The following CCDC192 variants were observed in gnomAD, a reference collection of about 807,000 sequenced individuals.
The protein encoded by CCDC192 is coiled-coil domain containing 192, also known as coiled-coil domain-containing protein 192.
At chr5:127,793,133 T>C (rs1314871738) in intron 3 of CCDC192, among the ~76,000 whole-genome samples, 1 of 152,016 alleles carries the variant, frequency 6.6e-6, no homozygotes, top group African/African-American at 2.4e-5. Flanking sequence ...ACTTTCTGAA[T>C]CTAAAAAAAA....
At chr5:127,779,282 A>G (rs970086633) in intron 3 of CCDC192, among the ~76,000 whole-genome samples, 1 of 152,162 alleles carries the variant, frequency 6.6e-6, no homozygotes, top group Admixed American at 6.6e-5. Flanking sequence ...ACAAATAAAC[A>G]TATATGAGGA....
intron 6 of CCDC192, among the ~76,000 whole-genome samples, chr5:127,877,110 C>T (rs746223250): frequency 6.6e-6 from 1 of 152,164 alleles, no homozygotes; most frequent in Non-Finnish European, 1.5e-5. Flanking sequence ...GAGAAGCTTT[C>T]AACTTTTCAA....
At chr5:127,930,187 G>C (rs1335785950) in intron 6 of CCDC192, among the ~76,000 whole-genome samples, 1 of 151,926 alleles carries the variant, frequency 6.6e-6, no homozygotes, top group Non-Finnish European at 1.5e-5. Flanking sequence ...CTGGGTGATA[G>C]AGTGAGACTT....
intron 5 of CCDC192, among the ~76,000 whole-genome samples, chr5:127,843,860 T>C (rs1344846895): frequency 6.6e-6 from 1 of 152,240 alleles, no homozygotes; most frequent in East Asian, 1.9e-4. Flanking sequence ...TCAGCTTTGA[T>C]AACATTCTAT....
rs755294375 is a variant in CCDC192, at chr5:127,740,510, T to C, written c.115-13758T>C. Among the ~76,000 whole-genome samples, 81 of 152,232 alleles carry C rather than the reference T, an allele frequency of 5.3e-4. 2 individuals are homozygous for C. Among genetic ancestry groups the C allele is most frequent in the Non-Finnish European group, 5.9e-5 (4 of 68,032 alleles). ...AAGGGTTTCTCATGAAAAAGGTTTC[T>C]ATGAAACTTCAATTTCAATGAAGGA... On this transcript the variant is annotated intron_variant, in intron 2 of 6. Transcript: ENST00000514853.
At chr5:127,907,072 G>T (rs1401854761) in intron 6 of CCDC192, among the ~76,000 whole-genome samples, 6 of 151,804 alleles carry the variant, frequency 4.0e-5, no homozygotes, top group Non-Finnish European at 8.8e-5. Flanking sequence ...ATCCTAACAG[G>T]TGTGAAGTGT....
chr5:127,926,112 ATTTGAACACAG>A (rs1753856953), intron 6 of CCDC192, among the ~76,000 whole-genome samples: 1 of 152,206 alleles, frequency 6.6e-6, no homozygotes, highest in Non-Finnish European at 1.5e-5. Flanking sequence ...CCTTTGCCTT[ATTTGAACACAG>A]TTTGAACACT....
At chr5:127,770,696 G>C (rs1755499342) in intron 3 of CCDC192, among the ~76,000 whole-genome samples, 1 of 152,146 alleles carries the variant, frequency 6.6e-6, no homozygotes, top group African/African-American at 2.4e-5. Context: ...CACATAGTTT[G>C]GAGATCTGAA....
intron 6 of CCDC192, among the ~76,000 whole-genome samples, chr5:127,915,528 C>T (rs1753495688): frequency 6.6e-6 from 1 of 152,138 alleles, no homozygotes. Context: ...ACTACAGGCA[C>T]GCACCGCCAT....
intron 2 of CCDC192, among the ~76,000 whole-genome samples, chr5:127,738,998 G>T (rs1753214421): frequency 1.3e-5 from 2 of 152,048 alleles, no homozygotes; most frequent in African/African-American, 4.8e-5. Context: ...GGAGGAGGAG[G>T]AGGCGCTCTG....
intron 6 of CCDC192, among the ~76,000 whole-genome samples, chr5:127,933,162 C>T (rs753557756): frequency 1.3e-5 from 2 of 152,138 alleles, no homozygotes; most frequent in Non-Finnish European, 2.9e-5. Context: ...GAATAGGTTA[C>T]GTGCTATCGA....
chr5:127,871,706 C>T (rs1259934601), intron 5 of CCDC192, among the ~76,000 whole-genome samples: 3 of 152,218 alleles, frequency 2.0e-5, no homozygotes, highest in African/African-American at 7.2e-5. Context: ...TGTTGACGCT[C>T]TTCTATGAAT....
intron 5 of CCDC192, among the ~76,000 whole-genome samples, chr5:127,845,731 T>A (rs79077393): frequency 0.019 from 2,810 of 151,314 alleles, 100 homozygotes; most frequent in African/African-American, 0.063. Context: ...AATGCAATTT[T>A]AAAAAAAAAG....
chr5:127,857,619 T>TTTTTAAC, intron 5 of CCDC192: 1 of 152,310 alleles, frequency 6.6e-6, no homozygotes, highest in East Asian at 1.9e-4. Context: ...CTCACATGAC[T>TTTTTAAC]GTAGGGGCTG....
chr5:127,829,190 G>A (rs1033639345), intron 5 of CCDC192, among the ~76,000 whole-genome samples: 2 of 152,130 alleles, frequency 1.3e-5, no homozygotes, highest in Non-Finnish European at 2.9e-5. Context: ...CTGGGGAGTA[G>A]GCTGAATTTG....
At chr5:127,940,177 C>T (rs1754342081) in intron 6 of CCDC192, among the ~76,000 whole-genome samples, 1 of 152,116 alleles carries the variant, frequency 6.6e-6, no homozygotes, top group Non-Finnish European at 1.5e-5. Flanking sequence ...TGACTCAGGC[C>T]TTTATCCTCA....
chr5:127,907,209 G>T (rs1047865667), intron 6 of CCDC192, among the ~76,000 whole-genome samples: 1 of 152,084 alleles, frequency 6.6e-6, no homozygotes, highest in African/African-American at 2.4e-5. Flanking sequence ...AAACCCACAA[G>T]TTAGCCATAA....
intron 6 of CCDC192, chr5:127,940,884 A>C (rs1422671505): frequency 4.0e-6 from 1 of 250,218 alleles, no homozygotes; most frequent in Non-Finnish European, 7.5e-6. Flanking sequence ...TTGGATTTTC[A>C]TGAATTATTC....
chr5:127,743,195 T>C (rs1484275604), intron 2 of CCDC192, among the ~76,000 whole-genome samples: 7 of 151,932 alleles, frequency 4.6e-5, no homozygotes, highest in Admixed American at 4.6e-4. Context: ...TGCCTAGACA[T>C]AGTTGGCCGT....
Sources: gnomAD v4.1 joint callset for allele counts (sites outside exome capture counted in the v4.1 genomes callset) on GRCh38, gnomAD v4.1.1 for gene constraint, MANE v1.5 for transcripts, NCBI Gene and HGNC (gene_info 2026-07-23, HGNC 2026-07-21) for gene names.